WWOX: variants seen among roughly 807,000 people sequenced by gnomAD.
WWOX encodes WW domain-containing oxidoreductase.
Under a neutral mutation model 46.2 loss-of-function variants are expected in WWOX, and 69 were observed. That is an observed-to-expected ratio of 1.49 (90% CI 1.23 to 1.82). The LOEUF (loss-of-function observed/expected upper bound fraction) is 1.82. WWOX is among the 40% of genes most tolerant of loss of function. The pLI is 0.00. For missense variants in WWOX, 919 were observed against 542.6 expected (o/e 1.69, Z -6.89); for synonymous variants, 359 against 202.6 (o/e 1.77, Z -6.56).
At chr16:78,194,351 G>A (rs1054495414) in intron 5 of WWOX, among the ~76,000 whole-genome samples, 1 of 151,462 alleles carries the variant, frequency 6.6e-6, no homozygotes, top group Non-Finnish European at 1.5e-5. Context: ...AATTTGGGAG[G>A]CCGAGGCGGG....
At chr16:78,679,883 C>G (rs762525799) in intron 8 of WWOX, among the ~76,000 whole-genome samples, 1 of 152,188 alleles carries the variant, frequency 6.6e-6, no homozygotes, top group Non-Finnish European at 1.5e-5. Context: ...TAGGTGGGCT[C>G]TGAGCAGCAG....
At chr16:78,726,453 C>G (rs944310596) in intron 8 of WWOX, among the ~76,000 whole-genome samples, 3 of 151,980 alleles carry the variant, frequency 2.0e-5, no homozygotes, top group African/African-American at 7.3e-5. Context: ...AGGCTGGTTT[C>G]AAGCTCCTGG....
intron 8 of WWOX, among the ~76,000 whole-genome samples, chr16:79,179,807 G>A (rs991915432): frequency 1.3e-5 from 2 of 152,208 alleles, no homozygotes; most frequent in Non-Finnish European, 2.9e-5. Context: ...TAATGGAGAT[G>A]TATAAGCTGT....
At chr16:79,016,574 C>A (rs2047417477) in intron 8 of WWOX, 1 of 152,294 alleles carries the variant, frequency 6.6e-6, no homozygotes, top group African/African-American at 2.4e-5. Flanking sequence ...AGGCGCACGC[C>A]ACCATGCCCA....
chr16:79,000,736 G>A (rs1191102223), intron 8 of WWOX, among the ~76,000 whole-genome samples: 1 of 152,122 alleles, frequency 6.6e-6, no homozygotes, highest in Non-Finnish European at 1.5e-5. Flanking sequence ...CTAATTTGGG[G>A]GTAATTTGTT....
At chr16:78,333,935 A>G (rs1293033152) in intron 5 of WWOX, among the ~76,000 whole-genome samples, 1 of 143,118 alleles carries the variant, frequency 7.0e-6, no homozygotes, top group East Asian at 2.0e-4. Context: ...CTTCTCTTTT[A>G]GAAACCTTGC....
At chr16:78,190,368 C>T (rs562366582) in intron 5 of WWOX, among the ~76,000 whole-genome samples, 7 of 152,312 alleles carry the variant, frequency 4.6e-5, no homozygotes, top group African/African-American at 1.7e-4. Context: ...TGACCCCGAC[C>T]TTGAAATAAG....
rs56029255 is a variant in WWOX at position 78,440,390 on chromosome 16, A to G, written c.1056+7638A>G. On this transcript the variant is annotated intron_variant, in intron 8 of 8. Coordinates refer to ENST00000566780, the MANE Select transcript of WWOX (RefSeq NM_016373.4). ...CCTCCTCCACTCTTAATTTCTACCC[A>G]TCCTGCAAAACTCAGTCTGAACAGC... is the stretch of plus-strand genomic sequence containing the variant. Among the ~76,000 whole-genome samples the G allele has an allele frequency of 6.7e-3, 1,026 of 152,188 alleles. 10 individuals carry two copies. Among genetic ancestry groups the G allele is most frequent in the African/African-American group, 0.024 (987 of 41,528 alleles).
chr16:79,061,413 G>C (rs187000933), intron 8 of WWOX, among the ~76,000 whole-genome samples: 190 of 152,358 alleles, frequency 1.2e-3, no homozygotes, highest in African/African-American at 4.3e-3. Context: ...TGTGTGCAGT[G>C]AGTGTGGGAG....
In WWOX at chr16:79,211,920, G is replaced by A. The variant is rs200371035; in HGVS notation, c.*124G>A. ...ATCCGCAAGAGTAAAGGAAATAAGA[G>A]CAGTCACAACAGAGTGAAAAATCTT... On this transcript the variant is annotated 3_prime_UTR_variant, in exon 9 of 9. Coordinates refer to ENST00000566780, the MANE Select transcript of WWOX (RefSeq NM_016373.4). 2.6e-5 allele frequency: 40 copies of A among 1,543,480 alleles called. No individual in the cohort carries two copies. Among genetic ancestry groups the A allele is most frequent in the Non-Finnish European group, 3.5e-5 (40 of 1,149,110 alleles).
chr16:78,676,539 A>C (rs138306291), intron 8 of WWOX, among the ~76,000 whole-genome samples: 221 of 152,112 alleles, frequency 1.5e-3, no homozygotes, highest in African/African-American at 5.1e-3. Context: ...CTCAAAGTCT[A>C]CAGTCTAAAA....
At chr16:78,455,983 C>T (rs763764341) in intron 8 of WWOX, among the ~76,000 whole-genome samples, 3 of 152,190 alleles carry the variant, frequency 2.0e-5, no homozygotes, top group Non-Finnish European at 4.4e-5. Flanking sequence ...TAGGCCAGGA[C>T]CTGTGCTATG....
chr16:79,053,358 T>G (rs1262767689), intron 8 of WWOX, among the ~76,000 whole-genome samples: 3 of 152,222 alleles, frequency 2.0e-5, no homozygotes, highest in Non-Finnish European at 4.4e-5. Context: ...AACGTGGCCC[T>G]GCTTCTTAGT....
At chr16:78,479,894 C>G (rs1040043285) in intron 8 of WWOX, among the ~76,000 whole-genome samples, 3 of 146,576 alleles carry the variant, frequency 2.0e-5, no homozygotes, top group African/African-American at 5.4e-5. Flanking sequence ...TGTTCACTGC[C>G]CCCTCCTGGG....
chr16:78,928,785 C>T (rs934674006), intron 8 of WWOX, among the ~76,000 whole-genome samples: 4 of 152,172 alleles, frequency 2.6e-5, no homozygotes, highest in Admixed American at 2.0e-4. Flanking sequence ...TTTCAGTGAT[C>T]GTGCAAGCCT....
intron 8 of WWOX, among the ~76,000 whole-genome samples, chr16:79,145,987 G>C (rs2050176295): frequency 6.6e-6 from 1 of 152,028 alleles, no homozygotes. Flanking sequence ...CTAAAAAGGG[G>C]GCAGTCAGCA....
At chr16:78,262,253 C>A (rs999115397) in intron 5 of WWOX, among the ~76,000 whole-genome samples, 1 of 152,072 alleles carries the variant, frequency 6.6e-6, no homozygotes, top group African/African-American at 2.4e-5. Flanking sequence ...ATATTTCGGT[C>A]TCTGTTAGAT....
intron 8 of WWOX, among the ~76,000 whole-genome samples, chr16:78,727,829 C>G (rs1396602014): frequency 6.6e-6 from 1 of 151,972 alleles, no homozygotes; most frequent in Non-Finnish European, 1.5e-5. Flanking sequence ...GCCTGCCTTG[C>G]TCTACATCAG....
At position 78,591,320 on chromosome 16, in the gene WWOX, C is replaced by T. The variant is rs141359472; in HGVS notation, c.1056+158568C>T. Among the ~76,000 whole-genome samples the T allele has an allele frequency of 8.5e-3, 1,290 of 152,274 alleles. 12 individuals are homozygous for T. The highest frequency in any genetic ancestry group is 0.041 in the Middle Eastern group (12 of 294). ...GACATCTCCTTGACCAGAACTGTAT[C>T]AAATTTACATAGCCTCAAATGAAGC... On this transcript the variant is annotated intron_variant, in intron 8 of 8. Transcript: ENST00000566780.
Sources: gnomAD v4.1 joint callset for allele counts (sites outside exome capture counted in the v4.1 genomes callset) on GRCh38, gnomAD v4.1.1 for gene constraint, MANE v1.5 for transcripts, NCBI Gene and HGNC (gene_info 2026-07-23, HGNC 2026-07-21) for gene names.